Variants in SV2C observed in about 807,000 individuals in gnomAD.
The protein encoded by SV2C is solute carrier family 22 member B3.
SV2C carries 49 observed loss-of-function variants against 79.7 expected under a neutral mutation model. The observed-to-expected ratio is 0.61, with a 90% CI of 0.49 to 0.78. The LOEUF is 0.78. Ranked by LOEUF, SV2C falls within the 30% of genes least tolerant of loss-of-function variation. The pLI is 0.00. For synonymous variants in SV2C, 334 were observed against 333.2 expected (o/e 1.00, Z -0.03); for missense variants, 833 against 912.9 (o/e 0.91, Z 1.13).
chr5:76,255,414 C>T (rs1746234889), intron 4 of SV2C, among the ~76,000 whole-genome samples: 1 of 152,138 alleles, frequency 6.6e-6, no homozygotes, highest in African/African-American at 2.4e-5. Context: ...CATGCAGGGA[C>T]CCTGTCTTCC....
chr5:75,947,448 G>A, the SV2C span, among the ~76,000 whole-genome samples: 4,128 of 149,788 alleles, frequency 0.028, 168 homozygotes, highest in African/African-American at 0.096. Context: ...TTTCTATACT[G>A]GGAAGACATC....
intron 4 of SV2C, among the ~76,000 whole-genome samples, chr5:76,216,102 CAT>C (rs1454725335): frequency 6.6e-6 from 1 of 152,282 alleles, no homozygotes; most frequent in East Asian, 1.9e-4. Flanking sequence ...TGAGTTAAGA[CAT>C]GGGCTGTGGC....
At chr5:76,347,449 TTTGTTG>T (rs1298748486) in intron 12 of SV2C, among the ~76,000 whole-genome samples, 12 of 102,830 alleles carry the variant, frequency 1.2e-4, no homozygotes, top group African/African-American at 7.1e-4. Context: ...GTTTTGTTTT[TTTGTTG>T]TTGTTTTGAG....
chr5:76,068,641 A>G, the SV2C span, among the ~76,000 whole-genome samples: 1 of 152,312 alleles, frequency 6.6e-6, no homozygotes, highest in African/African-American at 2.4e-5. Flanking sequence ...CTGATCTAAA[A>G]AAAGTTGAAG....
At chr5:76,285,579 C>T (rs1580024062) in intron 5 of SV2C, 1 of 607,142 alleles carries the variant, frequency 1.6e-6, no homozygotes, top group East Asian at 2.8e-5. Flanking sequence ...TCTGGAGATA[C>T]TATTTCTAGT....
At chr5:76,207,867 A>C (rs2112351394) in intron 3 of SV2C, among the ~76,000 whole-genome samples, 1 of 152,386 alleles carries the variant, frequency 6.6e-6, no homozygotes, top group East Asian at 1.9e-4. Context: ...ATAAAATAAA[A>C]TTCAACTAGC....
intron 9 of SV2C, 43 bp downstream of exon 9, chr5:76,295,985 A>AAAC (rs1747745257): frequency 6.6e-7 from 1 of 1,520,226 alleles, no homozygotes; most frequent in African/African-American, 1.4e-5. Context: ...CTATTCACAA[A>AAAC]AACTTATTTC....
the SV2C span, among the ~76,000 whole-genome samples, chr5:75,901,677 C>T: frequency 6.6e-6 from 1 of 152,228 alleles, no homozygotes; most frequent in African/African-American, 2.4e-5. Flanking sequence ...TTTGTCTGTG[C>T]CCTGCCCCCA....
the SV2C span, among the ~76,000 whole-genome samples, chr5:75,978,745 G>C: frequency 1.3e-5 from 2 of 152,136 alleles, no homozygotes; most frequent in African/African-American, 4.8e-5. Flanking sequence ...CCTTGAAAGA[G>C]GTGAAAGATA....
intron 4 of SV2C, among the ~76,000 whole-genome samples, chr5:76,269,634 T>A (rs115076027): frequency 0.015 from 2,274 of 152,080 alleles, 59 homozygotes; most frequent in African/African-American, 0.05. Flanking sequence ...GTCATGAGAG[T>A]GGGTGTGAGG....
At chr5:75,885,113 G>T in the SV2C span, among the ~76,000 whole-genome samples, 1 of 152,116 alleles carries the variant, frequency 6.6e-6, no homozygotes, top group African/African-American at 2.4e-5. Flanking sequence ...GTTTTAAAGT[G>T]TGGCTCTTTG....
chr5:76,009,756 G>A, the SV2C span, among the ~76,000 whole-genome samples: 2 of 152,064 alleles, frequency 1.3e-5, no homozygotes, highest in Non-Finnish European at 2.9e-5. Context: ...GACCCCTAGA[G>A]CTCAGAGAGA....
chr5:76,302,630 CA>C (rs60732488), intron 12 of SV2C, among the ~76,000 whole-genome samples: 26,849 of 69,206 alleles, frequency 0.39, 1,993 homozygotes, highest in East Asian at 0.46. Flanking sequence ...GACTCCATCT[CA>C]AAAAAAAAAA....
At position 76,291,328 on chromosome 5, in the gene SV2C, C is replaced by G; in HGVS notation, c.1245C>G (p.Tyr415Ter). Residue 415 changes from tyrosine (Y) to a stop codon, truncating the protein, a stop_gained, in exon 7 of 13, where the codon TAC becomes TAG. Coordinates refer to ENST00000502798, the MANE Select transcript of SV2C (RefSeq NM_014979.4). LOFTEE classifies it high-confidence loss of function. ...RCFVRIRTEL[Y>*]GIWLTFMRCF... ...TTGTTCGGATCCGCACCGAGCTGTA[C>G]GGAGTAAGTAACAAGTCCCATGATG... 1 of 1,594,166 alleles carries G rather than the reference C, an allele frequency of 6.3e-7. No individual in the cohort carries two copies. The highest frequency in any genetic ancestry group is 8.5e-7 in the Non-Finnish European group (1 of 1,172,748).
intron 12 of SV2C, among the ~76,000 whole-genome samples, chr5:76,314,559 C>A (rs1040336333): frequency 4.6e-5 from 7 of 152,198 alleles, no homozygotes; most frequent in African/African-American, 1.4e-4. Context: ...TTGGTTTCCT[C>A]ATCTGTGTGG....
chr5:76,264,804 G>A (rs1290232813), intron 4 of SV2C, among the ~76,000 whole-genome samples: 1 of 152,174 alleles, frequency 6.6e-6, no homozygotes, highest in African/African-American at 2.4e-5. Flanking sequence ...TCCTTCCTCT[G>A]GAAGGTTCTT....
the SV2C span, among the ~76,000 whole-genome samples, chr5:75,916,913 G>A: frequency 5.3e-5 from 8 of 152,184 alleles, no homozygotes; most frequent in African/African-American, 9.7e-5. Flanking sequence ...TTCAGCCAAC[G>A]AAGGTTGGCA....
At chr5:76,313,157 C>CTGCAA (rs1309045417) in intron 12 of SV2C, among the ~76,000 whole-genome samples, 2 of 152,202 alleles carry the variant, frequency 1.3e-5, no homozygotes, top group African/African-American at 2.4e-5. Context: ...CTGTCGTCAT[C>CTGCAA]TGGTATTCTG....
the SV2C span, among the ~76,000 whole-genome samples, chr5:76,048,782 C>T: frequency 7.0e-6 from 1 of 142,188 alleles, no homozygotes; most frequent in South Asian, 2.3e-4. Flanking sequence ...GAGAAATCAA[C>T]CTGATGAACC....
Sources: allele counts gnomAD v4.1 joint callset (sites outside exome capture counted in the v4.1 genomes callset), GRCh38; gene constraint gnomAD v4.1.1; transcripts MANE v1.5; gene names NCBI Gene and HGNC (gene_info 2026-07-23, HGNC 2026-07-21).